COL24A1: variants seen among roughly 807,000 people sequenced by gnomAD.
COL24A1 encodes collagen type XXIV alpha 1 chain, also known as collagen alpha-1(XXIV) chain.
Under a neutral mutation model 253.9 loss-of-function variants are expected in COL24A1, and 224 were observed. The ratio of observed to expected loss-of-function variants is 0.88; its 90% CI spans 0.79 to 0.99. The LOEUF (loss-of-function observed/expected upper bound fraction) is 0.99, where lower values mean the gene tolerates loss of function less well. COL24A1 is among the 50% of genes least tolerant of loss of function. The probability of loss-of-function intolerance (pLI) is 0.00; values close to 1 mark genes in which losing one functional copy is unlikely to be tolerated. For synonymous variants in COL24A1, 685 were observed against 673.7 expected (o/e 1.02, Z -0.26); for missense variants, 2,131 against 2,068.5 (o/e 1.03, Z -0.59).
chr1:85,837,535 A>G (rs749501642), intron 43 of COL24A1, among the ~76,000 whole-genome samples: 1 of 152,232 alleles, frequency 6.6e-6, no homozygotes, highest in Non-Finnish European at 1.5e-5. Flanking sequence ...CTTATTATGT[A>G]CAGGGATTAG....
At chr1:85,989,118 T>G (rs1007339625) in intron 19 of COL24A1, among the ~76,000 whole-genome samples, 1 of 152,084 alleles carries the variant, frequency 6.6e-6, no homozygotes, top group Non-Finnish European at 1.5e-5. Flanking sequence ...TAGTATGTTT[T>G]TTTGTGGGGG....
At chr1:86,081,493 C>G (rs1272996565) in intron 7 of COL24A1, among the ~76,000 whole-genome samples, 1 of 152,180 alleles carries the variant, frequency 6.6e-6, no homozygotes, top group Non-Finnish European at 1.5e-5. Context: ...TATGTTATCA[C>G]TACTCCTTTA....
intron 2 of COL24A1, among the ~76,000 whole-genome samples, chr1:86,132,633 C>T (rs567579899): frequency 6.6e-6 from 1 of 152,282 alleles, no homozygotes; most frequent in Admixed American, 6.5e-5. Flanking sequence ...ATCCTTTCCC[C>T]ATTTCTTGTT....
At chr1:85,743,247 T>C (rs1045771095) in intron 57 of COL24A1, among the ~76,000 whole-genome samples, 1 of 152,172 alleles carries the variant, frequency 6.6e-6, no homozygotes, top group Non-Finnish European at 1.5e-5. Context: ...CATTCTCCCC[T>C]ATATGCACTC....
chr1:86,143,745 C>A (rs572472919), intron 2 of COL24A1, among the ~76,000 whole-genome samples: 1 of 152,126 alleles, frequency 6.6e-6, no homozygotes, highest in South Asian at 2.1e-4. Context: ...CTGCTTTTTG[C>A]TATATGTTTT....
intron 19 of COL24A1, among the ~76,000 whole-genome samples, chr1:86,006,999 C>T (rs635397): frequency 0.18 from 27,532 of 151,770 alleles, 3,166 homozygotes; most frequent in African/African-American, 0.32. Context: ...ATTGCTTCAG[C>T]CCAGGAGTTT....
At chr1:86,119,970 G>T (rs892120949) in intron 3 of COL24A1, among the ~76,000 whole-genome samples, 9 of 152,072 alleles carry the variant, frequency 5.9e-5, no homozygotes, top group Non-Finnish European at 7.4e-5. Flanking sequence ...CAGAACAGAG[G>T]CCTTAGAAAT....
chr1:86,095,491 C>A lies in COL24A1; in HGVS notation c.1600-3171G>T, dbSNP rs773425814. On this transcript the variant is annotated intron_variant, in intron 5 of 59. Coordinates refer to ENST00000370571, the MANE Select transcript of COL24A1 (RefSeq NM_152890.7). ...GATCCTTCCTAATATAAAATGCATGCAGCGAAGACTATTGAATAATGCCAA... is the reference window on the plus strand; with the variant it reads ...GATCCTTCCTAATATAAAATGCATGAAGCGAAGACTATTGAATAATGCCAA... Among the ~76,000 whole-genome samples, 17 of 152,132 alleles carry A rather than the reference C, an allele frequency of 1.1e-4. No individual in the cohort carries two copies. The East Asian group carries it at 1.9e-3, about 17-fold the overall frequency.
intron 52 of COL24A1, among the ~76,000 whole-genome samples, chr1:85,777,022 T>A (rs1308646353): frequency 1.3e-5 from 2 of 151,976 alleles, no homozygotes; most frequent in Non-Finnish European, 2.9e-5. Context: ...TGATCTCAGC[T>A]CACTACAACC....
At chr1:85,780,908 G>A (rs1448029070) in intron 52 of COL24A1, among the ~76,000 whole-genome samples, 2 of 151,854 alleles carry the variant, frequency 1.3e-5, no homozygotes. Flanking sequence ...TGCTATCTAT[G>A]TTCTTTCCTT....
intron 28 of COL24A1, among the ~76,000 whole-genome samples, chr1:85,904,659 T>C (rs1342332334): frequency 6.6e-6 from 1 of 152,196 alleles, no homozygotes; most frequent in Non-Finnish European, 1.5e-5. Flanking sequence ...ATGTTTCTTA[T>C]CTAAGAATCT....
intron 43 of COL24A1, among the ~76,000 whole-genome samples, chr1:85,831,563 C>A (rs1675287986): frequency 6.6e-6 from 1 of 151,780 alleles, no homozygotes; most frequent in South Asian, 2.1e-4. Flanking sequence ...ATTAAATGTG[C>A]CATAGAAAAT....
At chr1:85,945,000 GTGTTTTTTTTTTTTTTTTTTTTT>G (rs1689133424) in intron 24 of COL24A1, among the ~76,000 whole-genome samples, 1 of 36,124 alleles carries the variant, frequency 2.8e-5, no homozygotes, top group African/African-American at 9.6e-5. Flanking sequence ...GTCTATCATT[GTGTTTTTTTTTTTTTTTTTTTTT>G]TTTTTTTTTT....
chr1:85,942,312 G>A (rs926775231), intron 24 of COL24A1, among the ~76,000 whole-genome samples: 4 of 152,066 alleles, frequency 2.6e-5, no homozygotes, highest in East Asian at 1.9e-4. Context: ...ATCATTGGTC[G>A]GAATGAAATG....
intron 3 of COL24A1, among the ~76,000 whole-genome samples, chr1:86,124,035 A>G (rs2102254938): frequency 6.6e-6 from 1 of 152,134 alleles, no homozygotes; most frequent in East Asian, 1.9e-4. Context: ...GTATACAAAT[A>G]TGAAGCATAA....
intron 7 of COL24A1, among the ~76,000 whole-genome samples, chr1:86,077,343 T>G (rs942193666): frequency 6.6e-6 from 1 of 152,152 alleles, no homozygotes; most frequent in Non-Finnish European, 1.5e-5. Context: ...AAACAACAGA[T>G]GCTGGAGAGG....
intron 4 of COL24A1, among the ~76,000 whole-genome samples, chr1:86,113,463 G>T (rs1178585491): frequency 2.0e-5 from 3 of 152,098 alleles, no homozygotes; most frequent in African/African-American, 7.2e-5. Flanking sequence ...TAATAGAGCA[G>T]AATACTTCAG....
At chr1:86,042,182 T>C (rs1319029810) in intron 12 of COL24A1, among the ~76,000 whole-genome samples, 1 of 152,096 alleles carries the variant, frequency 6.6e-6, no homozygotes, top group Non-Finnish European at 1.5e-5. Context: ...TAAGTACTTA[T>C]GCTAAAATCC....
Position 86,011,551 on chromosome 1 carries a change from C to T in COL24A1, c.2310+5600G>A, listed in dbSNP as rs1165980789. 2.6e-5 allele frequency among the ~76,000 whole-genome samples: 4 copies of T among 152,206 alleles called. No individual in the cohort carries two copies. In the East Asian group the frequency reaches 7.7e-4, roughly 29 times the overall value. On this transcript the variant is annotated intron_variant, in intron 19 of 59. Transcript: ENST00000370571. ...AACTTGTGCTTTTGAATCACATTCACCCTGTACTGCAAAGGCAATCCAGCT... is the reference window on the plus strand; with the variant it reads ...AACTTGTGCTTTTGAATCACATTCATCCTGTACTGCAAAGGCAATCCAGCT...
Sources: allele counts gnomAD v4.1 joint callset (sites outside exome capture counted in the v4.1 genomes callset), GRCh38; gene constraint gnomAD v4.1.1; transcripts MANE v1.5; gene names NCBI Gene and HGNC (gene_info 2026-07-23, HGNC 2026-07-21).